BCHE: variants seen among roughly 807,000 people sequenced by gnomAD.
BCHE encodes the protein cholinesterase.
BCHE carries 48 observed loss-of-function variants against 51.3 expected under a neutral mutation model. The ratio of observed to expected loss-of-function variants is 0.94; its 90% confidence interval spans 0.74 to 1.19. The LOEUF (loss-of-function observed/expected upper bound fraction) is 1.19, where lower values mean the gene tolerates loss of function less well. Among genes scored for constraint, BCHE ranks in the 50% most tolerant of loss-of-function variants. The pLI is 0.00. For synonymous variants in BCHE, 251 were observed against 238.0 expected (o/e 1.05, Z -0.50); for missense variants, 847 against 708.2 (o/e 1.20, Z -2.23).
At chr3:165,831,101 A>T in intron 1 of BCHE, 60 bp from the exon 2 acceptor site, 1 of 1,359,260 alleles carries the variant, frequency 7.4e-7, no homozygotes, top group African/African-American at 1.4e-5. Context: ...ATTATACTTT[A>T]TTGATGATAA....
chr3:165,788,790 C>T lies in BCHE; in HGVS notation c.1518-2479G>A, dbSNP rs1415534279. On this transcript the variant is annotated intron_variant, in intron 2 of 3. Coordinates refer to ENST00000264381, the MANE Select transcript of BCHE (RefSeq NM_000055.4). ...TGCCAGTGAGTGTTCATTTAACAAA[C>T]TTTGTCCTATGAAATAACTCATGAC... is the stretch of plus-strand genomic sequence containing the variant. Among the ~76,000 whole-genome samples the T allele has an allele frequency of 2.0e-5, 3 of 152,146 alleles. No homozygotes were observed. The East Asian group carries it at 5.8e-4, about 29-fold the overall frequency.
chr3:165,777,437 ACT>A (rs968971930), intron 3 of BCHE, among the ~76,000 whole-genome samples: 16 of 152,064 alleles, frequency 1.1e-4, no homozygotes, highest in African/African-American at 3.6e-4. Flanking sequence ...AAAATAGGGA[ACT>A]GTATAATCTA....
chr3:165,774,964 A>G (rs1286253544), intron 3 of BCHE, among the ~76,000 whole-genome samples: 2 of 152,344 alleles, frequency 1.3e-5, no homozygotes, highest in African/African-American at 2.4e-5. Context: ...GTATAAAGGC[A>G]TAATAAGCAA....
chr3:165,805,873 C>A (rs1362667689), intron 2 of BCHE, among the ~76,000 whole-genome samples: 1 of 152,074 alleles, frequency 6.6e-6, no homozygotes, highest in Non-Finnish European at 1.5e-5. Flanking sequence ...ATTTTCCTTT[C>A]TTCTCACACA....
At position 165,830,937 on chromosome 3, in the gene BCHE, T is replaced by C. The variant is rs1285507411; in HGVS notation, c.97A>G (p.Ile33Val). 1 of 1,613,926 alleles carries C rather than the reference T, an allele frequency of 6.2e-7. No homozygotes were observed. The highest frequency in any genetic ancestry group is 8.5e-7 in the Non-Finnish European group (1 of 1,179,896). Reference protein sequence around the residue: ...IGKSHTEDDIIIATKNGKVRG... With the variant: ...IGKSHTEDDIVIATKNGKVRG... ...ACTTTTCCATTCTTTGTTGCAATTA[T>C]GATGTCATCTTCAGTATGTGACTTC... Residue 33 changes from isoleucine to valine, a missense_variant, in exon 2 of 4, where the codon ATA (isoleucine) becomes GTA (valine). Coordinates refer to ENST00000264381, the MANE Select transcript of BCHE (RefSeq NM_000055.4).
intron 2 of BCHE, 140 bp from the exon 3 acceptor site, chr3:165,786,451 C>T (rs555069209): frequency 3.8e-5 from 28 of 746,282 alleles, no homozygotes; most frequent in Middle Eastern, 3.9e-4. Context: ...TGATATGAAA[C>T]GTATGTGAAC....
intron 3 of BCHE, among the ~76,000 whole-genome samples, chr3:165,785,352 T>C (rs1712903188): frequency 6.6e-6 from 1 of 151,800 alleles, no homozygotes; most frequent in African/African-American, 2.4e-5. Flanking sequence ...ACATGGATTA[T>C]AAACAGCTGA....
At chr3:165,810,241 A>G (rs138880213) in intron 2 of BCHE, among the ~76,000 whole-genome samples, 4 of 152,190 alleles carry the variant, frequency 2.6e-5, no homozygotes, top group Non-Finnish European at 5.9e-5. Context: ...TGAGGTAAGG[A>G]TATTCTTCTG....
chr3:165,786,583 T>C (rs1359159802), intron 2 of BCHE, among the ~76,000 whole-genome samples: 1 of 151,816 alleles, frequency 6.6e-6, no homozygotes, highest in Non-Finnish European at 1.5e-5. Flanking sequence ...AATTTTTTAT[T>C]TCAATAAAAT....
intron 3 of BCHE, among the ~76,000 whole-genome samples, chr3:165,785,834 CAAAGA>C (rs1560004322): frequency 6.6e-6 from 1 of 151,646 alleles, no homozygotes; most frequent in Admixed American, 6.6e-5. Context: ...ATTAATTCCA[CAAAGA>C]TTATCTGAAT....
At chr3:165,815,695 T>C (rs930848742) in intron 2 of BCHE, among the ~76,000 whole-genome samples, 1 of 152,154 alleles carries the variant, frequency 6.6e-6, no homozygotes, top group Non-Finnish European at 1.5e-5. Context: ...ATTATTATTC[T>C]TTACATATTA....
At chr3:165,810,330 G>A (rs1714044637) in intron 2 of BCHE, among the ~76,000 whole-genome samples, 1 of 152,064 alleles carries the variant, frequency 6.6e-6, no homozygotes, top group Non-Finnish European at 1.5e-5. Flanking sequence ...TCCCTCCTAG[G>A]AAGATTATGC....
At chr3:165,779,934 A>G (rs1167939735) in intron 3 of BCHE, among the ~76,000 whole-genome samples, 1 of 152,194 alleles carries the variant, frequency 6.6e-6, no homozygotes, top group Non-Finnish European at 1.5e-5. Flanking sequence ...ATGTAACCAA[A>G]AAAGAGCCTG....
intron 2 of BCHE, among the ~76,000 whole-genome samples, chr3:165,816,850 C>T (rs1714331076): frequency 6.6e-6 from 1 of 151,950 alleles, no homozygotes; most frequent in South Asian, 2.1e-4. Context: ...TCTAAAACCT[C>T]CGTAAGTGAA....
At position 165,816,019 on chromosome 3, in the gene BCHE, C is replaced by CA. The variant is rs199996767; in HGVS notation, c.1517+13497dup. On this transcript the variant is annotated intron_variant, in intron 2 of 3. Transcript: ENST00000264381. ...TTGTTGTTTCTGATTTGTCTTTCAT[C>CA]AAAAAAAAATCAATGAGTAATTCTC... Among the ~76,000 whole-genome samples the CA allele has an allele frequency of 4.4e-3, 657 of 150,186 alleles. 5 individuals are homozygous for CA. Among genetic ancestry groups the CA allele is most frequent in the African/African-American group, 0.015 (607 of 41,050 alleles).
chr3:165,835,231 T>C (rs1277895952), intron 1 of BCHE, among the ~76,000 whole-genome samples: 1 of 151,832 alleles, frequency 6.6e-6, no homozygotes, highest in African/African-American at 2.4e-5. Context: ...TTGAAAGTAC[T>C]ATTAATATTC....
intron 2 of BCHE, among the ~76,000 whole-genome samples, chr3:165,788,579 A>T (rs1337678327): frequency 6.6e-6 from 1 of 152,130 alleles, no homozygotes; most frequent in East Asian, 1.9e-4. Context: ...ATATTAAACC[A>T]GGAGAACCGA....
At chr3:165,790,213 A>G (rs557397880) in intron 2 of BCHE, among the ~76,000 whole-genome samples, 21 of 152,282 alleles carry the variant, frequency 1.4e-4, no homozygotes, top group African/African-American at 5.1e-4. Flanking sequence ...GAAGGAGCTG[A>G]AGATTGATTT....
intron 3 of BCHE, among the ~76,000 whole-genome samples, chr3:165,776,545 A>C (rs550121522): frequency 6.6e-6 from 1 of 152,082 alleles, no homozygotes; most frequent in Admixed American, 6.5e-5. Context: ...AAAGAGAAAA[A>C]GAAAGTGGAG....
Sources: gnomAD v4.1 joint callset for allele counts (sites outside exome capture counted in the v4.1 genomes callset) on GRCh38, gnomAD v4.1.1 for gene constraint, MANE v1.5 for transcripts, NCBI Gene and HGNC (gene_info 2026-07-23, HGNC 2026-07-21) for gene names.